Variants in ADAM22 observed in about 807,000 individuals in gnomAD.
ADAM22 encodes ADAM metallopeptidase domain 22, also known as disintegrin and metalloproteinase domain-containing protein 22.
In ADAM22, 65 loss-of-function variants were observed where a neutral mutation model predicts 144.6. That is an observed-to-expected ratio of 0.45 (90% CI 0.37 to 0.55). ADAM22 has a LOEUF of 0.55. Among genes scored for constraint, ADAM22 ranks in the 20% least tolerant of loss-of-function variants. The pLI is 0.00. For synonymous variants in ADAM22, 391 were observed against 412.6 expected (o/e 0.95, Z 0.63); for missense variants, 974 against 1,184.9 (o/e 0.82, Z 2.61).
chr7:88,179,947 T>G (rs1225906614), intron 27 of ADAM22, among the ~76,000 whole-genome samples: 1 of 152,078 alleles, frequency 6.6e-6, no homozygotes, highest in Non-Finnish European at 1.5e-5. Flanking sequence ...CATTAGCTAC[T>G]TTTCAGAGTG....
At chr7:88,048,355 C>G (rs1032150714) in intron 3 of ADAM22, among the ~76,000 whole-genome samples, 4 of 152,014 alleles carry the variant, frequency 2.6e-5, no homozygotes, top group Non-Finnish European at 4.4e-5. Flanking sequence ...CAATTATTTT[C>G]TTTGGACCTT....
chr7:88,125,438 T>C (rs1235584343), intron 7 of ADAM22, 151 bp from the exon 8 acceptor site: 1 of 502,714 alleles, frequency 2.0e-6, no homozygotes, highest in Non-Finnish European at 3.5e-6. Flanking sequence ...TTAGTATTAA[T>C]ATACTACAGT....
At chr7:88,161,521 G>A (rs1242776745) in intron 22 of ADAM22, among the ~76,000 whole-genome samples, 2 of 152,070 alleles carry the variant, frequency 1.3e-5, no homozygotes, top group Admixed American at 6.6e-5. Flanking sequence ...TATCAACAGA[G>A]TAAACAGACA....
chr7:88,077,730 G>C (rs573053244), intron 4 of ADAM22, among the ~76,000 whole-genome samples: 1 of 152,162 alleles, frequency 6.6e-6, no homozygotes. Context: ...CTACACCCAC[G>C]GAGTCTCGCT....
chr7:88,020,619 C>T (rs1163725866), intron 3 of ADAM22, among the ~76,000 whole-genome samples: 1 of 152,132 alleles, frequency 6.6e-6, no homozygotes, highest in Non-Finnish European at 1.5e-5. Context: ...GAAATTCCAC[C>T]AGGTGAATGC....
chr7:88,169,938 C>T (rs1228392557), intron 25 of ADAM22, among the ~76,000 whole-genome samples: 3 of 152,020 alleles, frequency 2.0e-5, no homozygotes, highest in African/African-American at 7.2e-5. Context: ...GTGGATATTT[C>T]ATTTTTACAA....
chr7:88,080,503 G>C (rs1213005372), intron 4 of ADAM22, among the ~76,000 whole-genome samples: 2 of 152,018 alleles, frequency 1.3e-5, no homozygotes, highest in Admixed American at 1.3e-4. Context: ...AATCAGAGCA[G>C]AACTGAAGGA....
chr7:87,958,575 G>A (rs1267453946), intron 2 of ADAM22, among the ~76,000 whole-genome samples: 4 of 151,822 alleles, frequency 2.6e-5, no homozygotes, highest in African/African-American at 4.8e-5. Context: ...TAGTAGAGAT[G>A]GGGTTTCACC....
chr7:88,114,567 T>G lies in ADAM22; in HGVS notation c.474-17T>G, dbSNP rs779993008. The stretch of plus-strand genomic sequence containing the variant: ...AGAGTCGATGGCCATGCCTAATTAT[T>G]TTTTTGTCGTTGGCAGTGGGATGTT... On this transcript the variant is annotated splice_polypyrimidine_tract_variant and intron_variant, in intron 5 of 31. Transcript: ENST00000413139. 24 of 1,613,278 alleles carry G rather than the reference T, an allele frequency of 1.5e-5. No individual in the cohort carries two copies. Among genetic ancestry groups the G allele is most frequent in the Non-Finnish European group, 1.9e-5 (23 of 1,179,520 alleles).
chr7:88,076,070 A>G (rs532904981), intron 4 of ADAM22, among the ~76,000 whole-genome samples: 29 of 152,104 alleles, frequency 1.9e-4, no homozygotes, highest in African/African-American at 6.0e-4. Flanking sequence ...CTGGAGTGCA[A>G]TGGCGCGATC....
intron 3 of ADAM22, among the ~76,000 whole-genome samples, chr7:88,030,274 T>TACAGAG (rs1799942653): frequency 6.6e-6 from 1 of 152,158 alleles, no homozygotes; most frequent in South Asian, 2.1e-4. Flanking sequence ...CTCTGATGTA[T>TACAGAG]TCTTCAGTGT....
At chr7:88,001,804 A>C (rs1437815462) in intron 3 of ADAM22, among the ~76,000 whole-genome samples, 1 of 151,786 alleles carries the variant, frequency 6.6e-6, no homozygotes, top group Non-Finnish European at 1.5e-5. Context: ...TAGCAAGGTG[A>C]GACAAGCAGG....
intron 3 of ADAM22, among the ~76,000 whole-genome samples, chr7:87,999,981 C>T (rs1343986012): frequency 6.9e-6 from 1 of 145,208 alleles, no homozygotes; most frequent in East Asian, 2.0e-4. Context: ...AGTGAGAGCA[C>T]ATCTCTAAAA....
At position 88,046,504 on chromosome 7, in the gene ADAM22, G is replaced by T. The variant is rs192721885; in HGVS notation, c.324-29122G>T. On this transcript the variant is annotated intron_variant, in intron 3 of 31. Coordinates refer to ENST00000413139, the MANE Select transcript of ADAM22 (RefSeq NM_001324418.2). ...TCAGATGTTTGTTTCAGAAATATTT[G>T]CCCCCATTTTGTAGGTTTTCTCTTC... Among the ~76,000 whole-genome samples the T allele has an allele frequency of 5.2e-3, 789 of 152,170 alleles. 5 individuals carry two copies. The highest frequency in any genetic ancestry group is 0.018 in the African/African-American group (764 of 41,502).
At chr7:87,959,108 T>G (rs1847469930) in intron 2 of ADAM22, among the ~76,000 whole-genome samples, 1 of 152,126 alleles carries the variant, frequency 6.6e-6, no homozygotes, top group Non-Finnish European at 1.5e-5. Flanking sequence ...AATGTAGTTT[T>G]TTTTTTAAAA....
At chr7:88,108,904 C>T (rs1286220803) in intron 5 of ADAM22, among the ~76,000 whole-genome samples, 1 of 152,088 alleles carries the variant, frequency 6.6e-6, no homozygotes, top group East Asian at 1.9e-4. Flanking sequence ...TTGAATTTCA[C>T]AATGATACCT....
Position 88,168,161 on chromosome 7 carries a change from T to C in ADAM22, c.2216T>C (p.Ile739Thr). ...GGTGTTGCTGGCACCAATATCATAA[T>C]AGGCATAATTGCTGGCACCATTTTA... ...GNGVAGTNII[I>T]GIIAGTILVL... Residue 739 changes from isoleucine to threonine, a missense_variant, in exon 25 of 32, where the codon ATA (isoleucine) becomes ACA (threonine). By Grantham distance (89) the Ile-to-Thr change is moderately conservative (BLOSUM62 -1). Transcript: ENST00000413139. The C allele has an allele frequency of 6.2e-7, 1 of 1,613,348 alleles. No individual in the cohort carries two copies. The highest frequency in any genetic ancestry group is 1.1e-5 in the South Asian group (1 of 91,066).
intron 3 of ADAM22, among the ~76,000 whole-genome samples, chr7:87,981,037 A>G (rs1853286368): frequency 6.6e-6 from 1 of 152,182 alleles, no homozygotes; most frequent in Non-Finnish European, 1.5e-5. Flanking sequence ...TGAGCAATTC[A>G]GTCCAATTTT....
intron 30 of ADAM22, among the ~76,000 whole-genome samples, chr7:88,187,058 A>G (rs1250806427): frequency 6.6e-6 from 1 of 152,224 alleles, no homozygotes; most frequent in Non-Finnish European, 1.5e-5. Flanking sequence ...TAGTTTCTAG[A>G]ATCTAGCAGT....
Sources: allele counts gnomAD v4.1 joint callset (sites outside exome capture counted in the v4.1 genomes callset), GRCh38; gene constraint gnomAD v4.1.1; transcripts MANE v1.5; gene names NCBI Gene and HGNC (gene_info 2026-07-23, HGNC 2026-07-21).